The following PTPRG variants were observed in gnomAD, a reference collection of about 807,000 sequenced individuals.
PTPRG encodes receptor-type tyrosine-protein phosphatase gamma.
PTPRG carries 102 observed loss-of-function variants against 165.3 expected under a neutral mutation model. That is an observed-to-expected ratio of 0.62 (90% CI 0.53 to 0.73). The LOEUF is 0.73. PTPRG is among the 30% of genes least tolerant of loss of function. The pLI, the probability that PTPRG is intolerant of heterozygous loss-of-function variation, is 0.00. For synonymous variants in PTPRG, 675 were observed against 669.5 expected (o/e 1.01, Z -0.13); for missense variants, 1,866 against 1,861.4 (o/e 1.00, Z -0.05).
At chr3:61,762,064 G>A (rs866550101) in intron 2 of PTPRG, among the ~76,000 whole-genome samples, 1 of 152,180 alleles carries the variant, frequency 6.6e-6, no homozygotes, top group Non-Finnish European at 1.5e-5. Context: ...GCAAAGATGA[G>A]CGAAGGCATT....
chr3:61,940,283 C>T (rs1396523978), intron 2 of PTPRG, among the ~76,000 whole-genome samples: 2 of 152,152 alleles, frequency 1.3e-5, no homozygotes, highest in Non-Finnish European at 2.9e-5. Flanking sequence ...GCATTACTTA[C>T]TTTTCTGCAC....
intron 1 of PTPRG, among the ~76,000 whole-genome samples, chr3:61,683,129 T>C (rs1703508285): frequency 6.6e-6 from 1 of 152,188 alleles, no homozygotes; most frequent in Non-Finnish European, 1.5e-5. Context: ...TGAGTCATTA[T>C]GGAATCTTTG....
In PTPRG at chr3:61,809,858, T is replaced by G. The variant is rs142982049; in HGVS notation, c.190+60876T>G. ...AGCGGGTGCACAGCTATTGAAGCTCTGTGCTCTCTTGATTTCAAGGTGATT... is the reference window on the plus strand; with the variant it reads ...AGCGGGTGCACAGCTATTGAAGCTCGGTGCTCTCTTGATTTCAAGGTGATT... On this transcript the variant is annotated intron_variant, in intron 2 of 29. Transcript: ENST00000474889. Among the ~76,000 whole-genome samples, 1,119 of 152,286 alleles carry G rather than the reference T, an allele frequency of 7.3e-3. 8 individuals are homozygous for G. Among genetic ancestry groups the G allele is most frequent in the Non-Finnish European group, 0.011 (751 of 68,008 alleles).
intron 4 of PTPRG, among the ~76,000 whole-genome samples, chr3:62,015,474 C>T (rs1340436913): frequency 6.6e-6 from 1 of 152,244 alleles, no homozygotes; most frequent in South Asian, 2.1e-4. Context: ...TCTCAGTTTC[C>T]TAACTTATAT....
intron 1 of PTPRG, chr3:61,742,931 G>GGGGAGT: frequency 6.8e-7 from 1 of 1,466,632 alleles, no homozygotes; most frequent in Non-Finnish European, 9.5e-7. Context: ...AACTTAGGGC[G>GGGGAGT]GGGAGTGGAC....
intron 2 of PTPRG, among the ~76,000 whole-genome samples, chr3:61,778,269 C>G (rs1275909302): frequency 6.6e-6 from 1 of 152,134 alleles, no homozygotes; most frequent in Non-Finnish European, 1.5e-5. Flanking sequence ...GTTATAGAAT[C>G]TCATGGGATC....
chr3:61,822,720 G>A (rs2035990810), intron 2 of PTPRG, among the ~76,000 whole-genome samples: 2 of 152,132 alleles, frequency 1.3e-5, no homozygotes, highest in Non-Finnish European at 2.9e-5. Flanking sequence ...TTTTTACATG[G>A]CCATTAATGG....
rs571974717 is a variant in PTPRG, at chr3:61,599,785, C to T, written c.85+37413C>T. Reference sequence around the variant, plus strand: ...CTAGGATAATCGGCATGAACCACCGCACCTGGCTGATCCTGCATTCTTCAC... The same window carrying T: ...CTAGGATAATCGGCATGAACCACCGTACCTGGCTGATCCTGCATTCTTCAC... On this transcript the variant is annotated intron_variant, in intron 1 of 29. Coordinates refer to ENST00000474889, the MANE Select transcript of PTPRG (RefSeq NM_002841.4). Among the ~76,000 whole-genome samples the T allele has an allele frequency of 7.9e-4, 121 of 152,214 alleles. 6 individuals carry two copies. The South Asian group carries it at 0.025, about 32-fold the overall frequency.
At chr3:61,658,452 A>G (rs1457144082) in intron 1 of PTPRG, among the ~76,000 whole-genome samples, 1 of 152,118 alleles carries the variant, frequency 6.6e-6, no homozygotes, top group African/African-American at 2.4e-5. Flanking sequence ...GCCCTCATCT[A>G]TTTTTTGTGA....
intron 5 of PTPRG, among the ~76,000 whole-genome samples, chr3:62,093,397 G>A (rs1442962290): frequency 1.3e-5 from 2 of 152,156 alleles, no homozygotes; most frequent in Admixed American, 6.5e-5. Context: ...TATAGTGAAC[G>A]GCAGGAAGCC....
At chr3:61,568,600 A>G (rs1330736181) in intron 1 of PTPRG, among the ~76,000 whole-genome samples, 2 of 152,144 alleles carry the variant, frequency 1.3e-5, no homozygotes, top group Non-Finnish European at 2.9e-5. Flanking sequence ...GCAGCCCTTA[A>G]TACAACTGTA....
intron 1 of PTPRG, among the ~76,000 whole-genome samples, chr3:61,745,954 A>G (rs2033180962): frequency 6.6e-6 from 1 of 152,264 alleles, no homozygotes; most frequent in South Asian, 2.1e-4. Context: ...CCCAGTAAAA[A>G]TAGACCCTCA....
rs75725070 is a variant in PTPRG, at chr3:61,962,667, A to G, written c.191-26958A>G. Among the ~76,000 whole-genome samples the G allele has an allele frequency of 8.4e-3, 1,280 of 152,252 alleles. 23 individuals carry two copies. The highest frequency in any genetic ancestry group is 0.029 in the African/African-American group (1,220 of 41,518). ...CAATAAGCTATATATTTTGTCATGTATGAATTATGTATGCATTATTTATAA... is the reference window on the plus strand; with the variant it reads ...CAATAAGCTATATATTTTGTCATGTGTGAATTATGTATGCATTATTTATAA... On this transcript the variant is annotated intron_variant, in intron 2 of 29. Transcript: ENST00000474889.
intron 2 of PTPRG, among the ~76,000 whole-genome samples, chr3:61,832,365 T>C (rs2036323681): frequency 6.6e-6 from 1 of 152,242 alleles, no homozygotes; most frequent in African/African-American, 2.4e-5. Context: ...CTAAGTCATT[T>C]AATTCTCATA....
intron 1 of PTPRG, among the ~76,000 whole-genome samples, chr3:61,620,658 C>T (rs754179268): frequency 3.3e-5 from 5 of 151,576 alleles, no homozygotes; most frequent in African/African-American, 4.9e-5. Context: ...ATGGAGTTAA[C>T]GCTCTTGTCA....
At chr3:62,123,709 C>G (rs1050742536) in intron 5 of PTPRG, among the ~76,000 whole-genome samples, 7 of 152,118 alleles carry the variant, frequency 4.6e-5, no homozygotes, top group African/African-American at 1.7e-4. Context: ...CAAGAAAACT[C>G]TAATTAAAGA....
At chr3:61,930,375 G>T (rs958054716) in intron 2 of PTPRG, among the ~76,000 whole-genome samples, 3 of 152,206 alleles carry the variant, frequency 2.0e-5, no homozygotes, top group African/African-American at 4.8e-5. Flanking sequence ...CCACGTGGAA[G>T]AATGTCAGTG....
At chr3:61,905,430 G>C (rs1319144057) in intron 2 of PTPRG, among the ~76,000 whole-genome samples, 2 of 152,052 alleles carry the variant, frequency 1.3e-5, no homozygotes, top group Non-Finnish European at 2.9e-5. Flanking sequence ...TCCATCTTTT[G>C]ACACTATCTA....
At chr3:61,682,221 G>A (rs1427773144) in intron 1 of PTPRG, among the ~76,000 whole-genome samples, 8 of 150,708 alleles carry the variant, frequency 5.3e-5, no homozygotes. Flanking sequence ...TGCAAACATG[G>A]ACTATAAGTT....
Sources: gnomAD v4.1 joint callset for allele counts (sites outside exome capture counted in the v4.1 genomes callset) on GRCh38, gnomAD v4.1.1 for gene constraint, MANE v1.5 for transcripts, NCBI Gene and HGNC (gene_info 2026-07-23, HGNC 2026-07-21) for gene names.